Variants in CNOT6L observed in about 807,000 individuals in gnomAD.
CNOT6L encodes the protein CCR4-NOT transcription complex subunit 6 like.
A neutral mutation model predicts 64.0 loss-of-function variants in CNOT6L; 7 were observed. That is an observed-to-expected ratio of 0.11 (90% CI 0.06 to 0.21). The LOEUF (loss-of-function observed/expected upper bound fraction) is 0.21, where lower values mean the gene tolerates loss of function less well. Among genes scored for constraint, CNOT6L ranks in the 10% least tolerant of loss-of-function variants. The pLI is 1.00. For synonymous variants in CNOT6L, 193 were observed against 243.4 expected (o/e 0.79, Z 1.93); for missense variants, 245 against 669.0 (o/e 0.37, Z 6.99).
At chr4:77,725,718 T>C (rs1371375750) in intron 11 of CNOT6L, among the ~76,000 whole-genome samples, 1 of 152,046 alleles carries the variant, frequency 6.6e-6, no homozygotes, top group Non-Finnish European at 1.5e-5. Flanking sequence ...AAGATATCAA[T>C]GGAAAGTAGA....
chr4:77,721,260 C>CAT (rs1721245286), intron 11 of CNOT6L, among the ~76,000 whole-genome samples: 1 of 152,160 alleles, frequency 6.6e-6, no homozygotes, highest in Non-Finnish European at 1.5e-5. Flanking sequence ...TTCCTTGCTA[C>CAT]ATAAAGACAA....
rs1217322744 is a variant in CNOT6L, at chr4:77,744,827, G to C, written c.608C>G (p.Thr203Ser). The change falls in exon 7 of 12, where the codon ACC becomes AGC. Residue 203 changes from threonine to serine, a missense_variant. By Grantham distance (58) the Thr-to-Ser change is moderately conservative. Transcript: ENST00000504123. ...CYNVLCDKYA[T>S]RQLYGYCPSW... is the part of the protein sequence containing the mutation. ...TGGGCAATAGCCATATAGCTGCCGG[G>C]TAGCGTATTTATCACATAACACATT... 6.2e-7 allele frequency: 1 copy of C among 1,613,300 alleles called. No individual in the cohort carries two copies. Among genetic ancestry groups the C allele is most frequent in the Non-Finnish European group, 8.5e-7 (1 of 1,179,674 alleles).
chr4:77,772,464 CTT>C (rs1002745484), intron 4 of CNOT6L, among the ~76,000 whole-genome samples: 1 of 145,250 alleles, frequency 6.9e-6, no homozygotes, highest in Non-Finnish European at 1.5e-5. Flanking sequence ...CTAGTATTCC[CTT>C]TTTTTTTTTA....
At chr4:77,811,753 C>G (rs987774181) in intron 1 of CNOT6L, among the ~76,000 whole-genome samples, 2 of 152,086 alleles carry the variant, frequency 1.3e-5, no homozygotes, top group African/African-American at 4.8e-5. Flanking sequence ...CAAACAAACA[C>G]TCAACAATCT....
rs1324523099 is a variant in CNOT6L, at chr4:77,819,300, C to A, written c.5+4G>T. 6.2e-7 allele frequency: 1 copy of A among 1,613,554 alleles called. No homozygotes were observed. Among genetic ancestry groups the A allele is most frequent in the Non-Finnish European group, 8.5e-7 (1 of 1,179,750 alleles). On this transcript the variant is annotated splice_donor_region_variant and intron_variant, in intron 1 of 11. Coordinates refer to ENST00000504123, the MANE Select transcript of CNOT6L (RefSeq NM_144571.3). Reference sequence around the variant, plus strand: ...TCCTACTCGGAGGCAAAAGAACACTCTACCTCATTCTCTTCCTCTGGCCCA... The same window carrying A: ...TCCTACTCGGAGGCAAAAGAACACTATACCTCATTCTCTTCCTCTGGCCCA...
intron 1 of CNOT6L, among the ~76,000 whole-genome samples, chr4:77,816,068 T>C (rs775348855): frequency 1.3e-5 from 2 of 152,238 alleles, no homozygotes; most frequent in African/African-American, 2.4e-5. Flanking sequence ...TTTGGAAAGA[T>C]TGCTTAAAAG....
At chr4:77,725,505 C>G (rs1387276224) in intron 11 of CNOT6L, among the ~76,000 whole-genome samples, 2 of 152,204 alleles carry the variant, frequency 1.3e-5, no homozygotes, top group Non-Finnish European at 2.9e-5. Context: ...CCACCACAAT[C>G]TGTCTTTCTA....
intron 1 of CNOT6L, among the ~76,000 whole-genome samples, chr4:77,818,767 G>A (rs1214066158): frequency 6.6e-6 from 1 of 151,902 alleles, no homozygotes; most frequent in African/African-American, 2.4e-5. Flanking sequence ...GCGCGGGCTC[G>A]CCGTCCCGGG....
rs981054061 is a variant in CNOT6L, at chr4:77,714,025, A to G, written c.*6406T>C. On this transcript the variant is annotated 3_prime_UTR_variant, in exon 12 of 12. Coordinates refer to ENST00000504123, the MANE Select transcript of CNOT6L (RefSeq NM_144571.3). ...CTTGGCTTTTTCTTAGAACAAAAGC[A>G]AAGTAAATATACAACCTAAAACAGC... 6 of 152,670 alleles carry G rather than the reference A, an allele frequency of 3.9e-5. No homozygotes were observed. Among genetic ancestry groups the G allele is most frequent in the Non-Finnish European group, 5.9e-5 (4 of 68,040 alleles). 9.5% of individuals were successfully genotyped at this position (152,670 alleles called of 1,614,324 possible).
chr4:77,769,883 T>C (rs1208306219), intron 4 of CNOT6L, among the ~76,000 whole-genome samples: 2 of 152,190 alleles, frequency 1.3e-5, no homozygotes, highest in Non-Finnish European at 2.9e-5. Context: ...TCAATTTTTA[T>C]TGCTCAAGGA....
chr4:77,819,389 G>C, upstream of CNOT6L: 1 of 1,606,448 alleles, frequency 6.2e-7, no homozygotes, highest in Admixed American at 1.7e-5. Flanking sequence ...GCGCGCGCGC[G>C]CACCAGGCCC....
chr4:77,759,734 T>C (rs1725968261), intron 4 of CNOT6L, among the ~76,000 whole-genome samples: 2 of 152,156 alleles, frequency 1.3e-5, no homozygotes. Context: ...AACACTCCTA[T>C]GGTTACTGAC....
chr4:77,752,371 A>G (rs1236187650), intron 5 of CNOT6L, among the ~76,000 whole-genome samples: 1 of 152,220 alleles, frequency 6.6e-6, no homozygotes, highest in East Asian at 1.9e-4. Flanking sequence ...AAGTACATCT[A>G]ACACATTCAA....
chr4:77,818,983 T>A (rs779705765), intron 1 of CNOT6L: 27 of 663,566 alleles, frequency 4.1e-5, no homozygotes, highest in South Asian at 3.7e-4. Flanking sequence ...CCTGCGAGGC[T>A]CGGGAGCCGC....
intron 2 of CNOT6L, among the ~76,000 whole-genome samples, chr4:77,775,242 A>G (rs1176309598): frequency 6.6e-6 from 1 of 152,152 alleles, no homozygotes; most frequent in African/African-American, 2.4e-5. Flanking sequence ...TTTGACTACC[A>G]ATCATCCATC....
At chr4:77,813,623 C>G (rs1049222224) in intron 1 of CNOT6L, among the ~76,000 whole-genome samples, 2 of 152,112 alleles carry the variant, frequency 1.3e-5, no homozygotes, top group Non-Finnish European at 2.9e-5. Flanking sequence ...ACACTTCTCT[C>G]CAAAGAGGAT....
chr4:77,810,693 T>C (rs11940512), intron 1 of CNOT6L, among the ~76,000 whole-genome samples: 1,606 of 152,256 alleles, frequency 0.011, 32 homozygotes, highest in African/African-American at 0.037. Context: ...CATAATAATA[T>C]TGTTAACTAT....
chr4:77,807,235 G>A (rs1029262924), intron 1 of CNOT6L, among the ~76,000 whole-genome samples: 4 of 137,548 alleles, frequency 2.9e-5, no homozygotes, highest in Admixed American at 8.1e-5. Flanking sequence ...CCGAGATCGC[G>A]CCACTGCATT....
intron 7 of CNOT6L, among the ~76,000 whole-genome samples, chr4:77,742,848 C>T (rs1056943804): frequency 6.6e-6 from 1 of 151,956 alleles, no homozygotes; most frequent in African/African-American, 2.4e-5. Context: ...CTATTTTATT[C>T]TTTGACTCAT....
Sources: gnomAD v4.1 joint callset for allele counts (sites outside exome capture counted in the v4.1 genomes callset) on GRCh38, gnomAD v4.1.1 for gene constraint, MANE v1.5 for transcripts, NCBI Gene and HGNC (gene_info 2026-07-23, HGNC 2026-07-21) for gene names.